The following GET4 variants were observed in gnomAD, a reference collection of about 807,000 sequenced individuals.
GET4 encodes the protein Golgi to ER traffic protein 4 homolog.
Under a neutral mutation model 40.0 loss-of-function variants are expected in GET4, and 20 were observed. The ratio of observed to expected loss-of-function variants is 0.50; its 90% CI spans 0.35 to 0.73. The LOEUF (loss-of-function observed/expected upper bound fraction) is 0.73. Among genes scored for constraint, GET4 ranks in the 30% least tolerant of loss-of-function variants. GET4 has a pLI of 0.01. For missense variants in GET4, 557 were observed against 454.0 expected, an observed-to-expected ratio of 1.23 and a Z score of -2.06; for synonymous variants, 280 against 194.6, an observed-to-expected ratio of 1.44 and a Z score of -3.65.
At chr7:887,940 C>A (rs528234699) in intron 4 of GET4, among the ~76,000 whole-genome samples, 9 of 152,170 alleles carry the variant, frequency 5.9e-5, no homozygotes, top group Non-Finnish European at 1.2e-4. Flanking sequence ...TGGCTGTCTG[C>A]GTGGTGTGGT....
At position 893,601 on chromosome 7, in the gene GET4, C is replaced by CGTG. The variant is rs1554268641; in HGVS notation, c.747-138_747-137insTGG. ...GTTGCAGGTGAGTGTTGGGCATGGG[C>CGTG]GCGGTGTGTGCAGGTGAGTGTTGGG... On this transcript the variant is annotated intron_variant, in intron 6 of 8. Coordinates refer to ENST00000265857, the MANE Select transcript of GET4 (RefSeq NM_015949.3). 1.4e-3 allele frequency: 699 copies of CGTG among 497,206 alleles called. 16 individuals carry two copies. In the African/African-American group the frequency reaches 0.027, roughly 19 times the overall value. The allele number at this position is 497,206 out of a possible 1,614,324, so 30.8% of individuals were successfully genotyped here.
intron 3 of GET4, 142 bp downstream of exon 3, chr7:886,792 C>A: frequency 1.5e-6 from 1 of 652,756 alleles, no homozygotes; most frequent in South Asian, 1.7e-5. Context: ...GCAGTTCCCA[C>A]CCGGTCTCAG....
intron 4 of GET4, among the ~76,000 whole-genome samples, chr7:889,346 C>A (rs916104512): frequency 6.6e-6 from 1 of 152,254 alleles, no homozygotes; most frequent in Non-Finnish European, 1.5e-5. Context: ...AGGCTCCATA[C>A]GGGACCTGAG....
intron 7 of GET4, 24 bp from the exon 8 acceptor site, chr7:893,875 G>A: frequency 1.2e-6 from 2 of 1,612,222 alleles, no homozygotes; most frequent in East Asian, 2.2e-5. Flanking sequence ...CACCCCCTCT[G>A]AGCCCGCTGC....
chr7:877,046 C>T (rs1319166412), intron 1 of GET4, among the ~76,000 whole-genome samples: 6 of 151,636 alleles, frequency 4.0e-5, no homozygotes, highest in Non-Finnish European at 8.8e-5. Context: ...CCCTCTCCTG[C>T]GTTCCTCCTC....
intron 1 of GET4, chr7:885,724 T>G (rs1313266130): frequency 3.5e-6 from 1 of 283,682 alleles, no homozygotes; most frequent in East Asian, 8.0e-5. Context: ...CATCCCCTGC[T>G]CCTTCCCTGC....
At chr7:884,204 A>G (rs1585491952) in intron 1 of GET4, 1 of 1,303,552 alleles carries the variant, frequency 7.7e-7, no homozygotes. Context: ...GGGTCGGTGC[A>G]TGCGGTTCTG....
intron 1 of GET4, chr7:883,191 C>T (rs1041881665): frequency 2.6e-5 from 4 of 152,278 alleles, no homozygotes; most frequent in African/African-American, 9.6e-5. Flanking sequence ...ACAGGCGCGT[C>T]CAGCCAGCCC....
chr7:887,694 C>G (rs934300703), intron 4 of GET4, among the ~76,000 whole-genome samples, 175 bp downstream of exon 4: 1 of 152,246 alleles, frequency 6.6e-6, no homozygotes, highest in African/African-American at 2.4e-5. Context: ...ATCAGAGCCA[C>G]TGCACCCGAG....
At chr7:885,789 G>A in intron 1 of GET4, 1 of 478,298 alleles carries the variant, frequency 2.1e-6, no homozygotes, top group Non-Finnish European at 3.8e-6. Flanking sequence ...CCGGTGAGCT[G>A]CTCCAGGGTG....
At chr7:892,875 G>GTGTT (rs1844360653) in intron 6 of GET4, among the ~76,000 whole-genome samples, 1 of 151,686 alleles carries the variant, frequency 6.6e-6, no homozygotes, top group South Asian at 2.1e-4. Flanking sequence ...GCAGGTATGT[G>GTGTT]TGTTGTGTGT....
chr7:878,607 T>C (rs1376852083), intron 1 of GET4, among the ~76,000 whole-genome samples: 2 of 148,776 alleles, frequency 1.3e-5, no homozygotes, highest in East Asian at 4.0e-4. Context: ...GGAGTCTCGC[T>C]CTGTCCTCTG....
intron 7 of GET4, 28 bp downstream of exon 7, chr7:893,843 A>G: frequency 6.2e-7 from 1 of 1,604,634 alleles, no homozygotes. Context: ...GGGAGGGAGG[A>G]GGGGACCCCA....
Position 887,485 on chromosome 7 carries a change from G to T in GET4, c.432G>T (p.Arg144=). The change falls in exon 4 of 9, where the codon CGG becomes CGT. Residue 144 remains arginine (R), a synonymous_variant. Coordinates refer to ENST00000265857, the MANE Select transcript of GET4 (RefSeq NM_015949.3). ...GCTCCGGGAAGCTGGGCCACCCCCG[G>T]CTGCACCAGCTGCTGGCCCTCACCC... ...SGGSGKLGHP[R]LHQLLALTLW... is the part of the protein sequence containing the mutation. 1.3e-6 allele frequency: 2 copies of T among 1,572,544 alleles called. No individual in the cohort carries two copies. The highest frequency in any genetic ancestry group is 2.3e-5 in the South Asian group (2 of 85,118).
intron 6 of GET4, among the ~76,000 whole-genome samples, chr7:892,950 C>T (rs1441409338): frequency 6.8e-6 from 1 of 146,080 alleles, no homozygotes; most frequent in Non-Finnish European, 1.5e-5. Flanking sequence ...GCATGGGTTG[C>T]TGGGTGTGTG....
intron 1 of GET4, chr7:884,557 G>A (rs77393797): frequency 1.8e-5 from 6 of 329,556 alleles, no homozygotes; most frequent in Non-Finnish European, 3.6e-5. Context: ...GGTCTCCTGT[G>A]GGGGGAGGGC....
chr7:887,642 C>T (rs767699707), intron 4 of GET4, 123 bp downstream of exon 4: 6 of 716,674 alleles, frequency 8.4e-6, no homozygotes, highest in African/African-American at 7.3e-5. Context: ...TGTGGTCACG[C>T]GGGCCGGTCC....
At position 893,834 on chromosome 7, in the gene GET4, G is replaced by A. The variant is rs760707922; in HGVS notation, c.822+19G>A. On this transcript the variant is annotated intron_variant, in intron 7 of 8. Transcript: ENST00000265857. ...CAACGAGGTGAGAGCTTGGGGCTGG[G>A]GAGGGAGGAGGGGACCCCACGGTCT... is the stretch of plus-strand genomic sequence containing the variant. The A allele has an allele frequency of 5.6e-6, 9 of 1,607,856 alleles. No individual in the cohort carries two copies. The highest frequency in any genetic ancestry group is 6.8e-6 in the Non-Finnish European group (8 of 1,174,938).
At position 876,617 on chromosome 7, in the gene GET4, G is replaced by A. The variant is rs1361647341; in HGVS notation, c.-29G>A. The A allele has an allele frequency of 3.4e-6, 4 of 1,177,826 alleles. No individual in the cohort carries two copies. Among genetic ancestry groups the A allele is most frequent in the Non-Finnish European group, 4.2e-6 (4 of 948,484 alleles). 73.0% of individuals were successfully genotyped at this position (1,177,826 alleles called of 1,614,324 possible). A position where few individuals can be genotyped will look rare whatever the true frequency, so the allele number is the denominator to read the frequency against. On this transcript the variant is annotated 5_prime_UTR_variant, in exon 1 of 9. Transcript: ENST00000265857. ...GGCGCTGCCGACCGCGCCTGCGACA[G>A]CGTCAGCCCTGCGCGGAGCGCCGGC... is the stretch of plus-strand genomic sequence containing the variant.
Sources: gnomAD v4.1 joint callset for allele counts (sites outside exome capture counted in the v4.1 genomes callset) on GRCh38, gnomAD v4.1.1 for gene constraint, MANE v1.5 for transcripts, NCBI Gene and HGNC (gene_info 2026-07-23, HGNC 2026-07-21) for gene names.